The following ABCC11 variants were observed in gnomAD, a reference collection of about 807,000 sequenced individuals.
ABCC11 encodes ATP-binding cassette sub-family C member 11.
Under a neutral mutation model 149.3 loss-of-function variants are expected in ABCC11, and 135 were observed. The observed-to-expected ratio is 0.90, with a 90% confidence interval of 0.79 to 1.04. The LOEUF is 1.04. Ranked by LOEUF, ABCC11 falls within the 50% of genes least tolerant of loss-of-function variation. The pLI, the probability that ABCC11 is intolerant of heterozygous loss-of-function variation, is 0.00. For synonymous variants in ABCC11, 665 were observed against 671.4 expected (o/e 0.99, Z 0.15); for missense variants, 1,680 against 1,722.1 (o/e 0.98, Z 0.43).
intron 6 of ABCC11, among the ~76,000 whole-genome samples, chr16:48,217,442 GA>G (rs1292228525): frequency 1.3e-5 from 2 of 152,022 alleles, no homozygotes; most frequent in East Asian, 3.9e-4. Flanking sequence ...TAAAAAGTAG[GA>G]AAATTAGCCA....
intron 1 of ABCC11, among the ~76,000 whole-genome samples, chr16:48,237,640 C>T (rs1970751600): frequency 1.3e-5 from 2 of 152,140 alleles, no homozygotes; most frequent in Admixed American, 6.5e-5. Flanking sequence ...CCATGGCTTC[C>T]GTCAGGTTTA....
In ABCC11 at chr16:48,216,256, T is replaced by G; in HGVS notation, c.809A>C (p.Tyr270Ser). The change falls in exon 7 of 30, where the codon TAC becomes TCC. Residue 270 changes from tyrosine to serine, a missense_variant. By Grantham distance (144) the Tyr-to-Ser change is moderately radical (BLOSUM62 -2). Coordinates refer to ENST00000356608, the MANE Select transcript of ABCC11 (RefSeq NM_001370497.1). ...AISFFTGDVN[Y>S]LFEGVCYGPL... ...TCCATAGCACACCCCTTCAAACAGG[T>G]AGTTTACATCACCGGTGAAGAAGCT... 1 of 1,613,676 alleles carries G rather than the reference T, an allele frequency of 6.2e-7. No homozygotes were observed. Among genetic ancestry groups the G allele is most frequent in the Non-Finnish European group, 8.5e-7 (1 of 1,179,932 alleles).
rs201611590 is a variant in ABCC11 at position 48,198,012 on chromosome 16, G to A, written c.2273C>T (p.Ala758Val). ...IAEKPKVESQ[A>V]LATSLEESLN... ...AGACTCTTCCAGGGAGGTGGCCAGAGCCTGACTTTCTACCTTTGGCTTCTC... is the reference window on the plus strand; with the variant it reads ...AGACTCTTCCAGGGAGGTGGCCAGAACCTGACTTTCTACCTTTGGCTTCTC... The change falls in exon 17 of 30, where the codon GCT becomes GTT. Residue 758 changes from alanine (A) to valine (V), a missense_variant. Physicochemically the swap from Ala to Val is moderately conservative, Grantham distance 64. Transcript: ENST00000356608. The A allele has an allele frequency of 1.2e-6, 2 of 1,614,206 alleles. No homozygotes were observed. Among genetic ancestry groups the A allele is most frequent in the Non-Finnish European group, 1.7e-6 (2 of 1,180,038 alleles).
chr16:48,195,455 C>G (rs1156277605), intron 18 of ABCC11, among the ~76,000 whole-genome samples: 1 of 152,206 alleles, frequency 6.6e-6, no homozygotes, highest in African/African-American at 2.4e-5. Context: ...CTTCCTCCCC[C>G]AGGCATGCAG....
chr16:48,229,453 CTT>C (rs940739382), intron 3 of ABCC11, among the ~76,000 whole-genome samples: 10 of 119,056 alleles, frequency 8.4e-5, no homozygotes, highest in Admixed American at 3.5e-4. Context: ...AGGCTGGTAA[CTT>C]TTTTTTTTTT....
chr16:48,211,076 C>T lies in ABCC11; in HGVS notation c.1480G>A (p.Ala494Thr), dbSNP rs745733454. Residue 494 changes from alanine (A) to threonine (T), a missense_variant, in exon 11 of 30, where the codon GCA becomes ACA. Transcript: ENST00000356608. Reference sequence around the variant, plus strand: ...TGCCCGTTCCTCTCCAGCTCCAGTGCCCCATTGACGATCCCGGGACAGGTC... The same window carrying T: ...TGCCCGTTCCTCTCCAGCTCCAGTGTCCCATTGACGATCCCGGGACAGGTC... ...QQTCPGIVNG[A>T]LELERNGHAS... 6.2e-6 allele frequency: 10 copies of T among 1,614,108 alleles called. No homozygotes were observed. The South Asian group carries it at 8.8e-5, about 14-fold the overall frequency.
Position 48,222,704 on chromosome 16 carries a change from C to T in ABCC11, c.671G>A (p.Trp224Ter), listed in dbSNP as rs1429166106. Residue 224 changes from tryptophan to a stop codon, truncating the protein, a stop_gained, in exon 6 of 30, where the codon TGG becomes TAG. Coordinates refer to ENST00000356608, the MANE Select transcript of ABCC11 (RefSeq NM_001370497.1). LOFTEE classifies it high-confidence loss of function. ...GATGGCTGTGCGTTGGTTGATGATC[C>T]AACTGGAGGAGAAACTCAGAGACTT... ...CVKSLSFSSS[W>*]IINQRTAIRF... 6 of 1,614,056 alleles carry T rather than the reference C, an allele frequency of 3.7e-6. No homozygotes were observed. The African/African-American group carries it at 5.3e-5, about 14-fold the overall frequency.
At chr16:48,198,343 A>T in intron 15 of ABCC11, 68 bp from the exon 16 acceptor site, 1 of 1,482,540 alleles carries the variant, frequency 6.7e-7, no homozygotes. Context: ...ACTATTCACC[A>T]GGAAAATGTA....
intron 18 of ABCC11, 100 bp from the exon 19 acceptor site, chr16:48,194,082 C>A (rs1967169931): frequency 3.7e-6 from 3 of 807,304 alleles, no homozygotes; most frequent in East Asian, 2.6e-5. Flanking sequence ...TGCTTGGAAA[C>A]CCTTGAGCCC....
chr16:48,204,155 A>T (rs1968238909), intron 13 of ABCC11, among the ~76,000 whole-genome samples: 2 of 152,206 alleles, frequency 1.3e-5, no homozygotes. Flanking sequence ...AATACCTAAC[A>T]GTGAATTTGC....
At chr16:48,178,339 C>T (rs927785393) in intron 24 of ABCC11, among the ~76,000 whole-genome samples, 3 of 152,162 alleles carry the variant, frequency 2.0e-5, no homozygotes, top group African/African-American at 7.2e-5. Flanking sequence ...GCAAACCTCT[C>T]ATTTCCAAGA....
intron 23 of ABCC11, among the ~76,000 whole-genome samples, chr16:48,178,916 C>T (rs1248648197): frequency 6.6e-6 from 1 of 152,188 alleles, no homozygotes; most frequent in Admixed American, 6.5e-5. Flanking sequence ...GACACTGTTC[C>T]ACCTCGAGTG....
At position 48,177,067 on chromosome 16, in the gene ABCC11, G is replaced by A. The variant is rs745724144; in HGVS notation, c.3395C>T (p.Pro1132Leu). The change falls in exon 25 of 30, where the codon CCC becomes CTC. Residue 1132 changes from proline (P) to leucine (L), a missense_variant. By Grantham distance (98) the Pro-to-Leu change is moderately conservative (BLOSUM62 -3). Transcript: ENST00000356608. The part of the protein sequence containing the change: ...APLHMEGTSC[P>L]QGWPQHGEII... Reference sequence around the variant, plus strand: ...TTCCCCATGCTGTGGCCACCCCTGGGGACAACTTGTGCCTTCCATGTGTAA... The same window carrying A: ...TTCCCCATGCTGTGGCCACCCCTGGAGACAACTTGTGCCTTCCATGTGTAA... 1.2e-6 allele frequency: 2 copies of A among 1,614,002 alleles called. No homozygotes were observed. Among genetic ancestry groups the A allele is most frequent in the Non-Finnish European group, 1.7e-6 (2 of 1,180,020 alleles).
chr16:48,203,180 T>G lies in ABCC11; in HGVS notation c.1878+48A>C. 2.0e-6 allele frequency: 3 copies of G among 1,510,060 alleles called. No homozygotes were observed. In the South Asian group the frequency reaches 3.6e-5, roughly 18 times the overall value. The allele number at this position is 1,510,060 out of a possible 1,614,324, so 93.5% of individuals were successfully genotyped here. On this transcript the variant is annotated intron_variant, in intron 14 of 29. Coordinates refer to ENST00000356608, the MANE Select transcript of ABCC11 (RefSeq NM_001370497.1). Reference sequence around the variant, plus strand: ...CCTGCCTGGGGAGGCAGCATGAACATAAGAGCACCAACATTACACAGAGAA... The same window carrying G: ...CCTGCCTGGGGAGGCAGCATGAACAGAAGAGCACCAACATTACACAGAGAA...
chr16:48,244,852 T>G (rs1801427760), intron 1 of ABCC11, among the ~76,000 whole-genome samples: 1 of 152,182 alleles, frequency 6.6e-6, no homozygotes. Context: ...AACTACGCAG[T>G]TCCCTACCGT....
In ABCC11 at chr16:48,196,228, G is replaced by T. The variant is rs764761176; in HGVS notation, c.2404+4C>A. 1.2e-6 allele frequency: 2 copies of T among 1,613,964 alleles called. No individual in the cohort carries two copies. Among genetic ancestry groups the T allele is most frequent in the East Asian group, 2.2e-5 (1 of 44,856 alleles). On this transcript the variant is annotated splice_donor_region_variant and intron_variant, in intron 18 of 29. Coordinates refer to ENST00000356608, the MANE Select transcript of ABCC11 (RefSeq NM_001370497.1). ...AGAGCCCTGGGCTGGCATGGGGACC[G>T]TACCTCCAGCTGCCTGGATGTAGTG...
At chr16:48,245,909 T>A (rs1004553316) in intron 1 of ABCC11, among the ~76,000 whole-genome samples, 1 of 152,158 alleles carries the variant, frequency 6.6e-6, no homozygotes, top group African/African-American at 2.4e-5. Flanking sequence ...TTCCTAACTC[T>A]ACTGGAGGTG....
intron 1 of ABCC11, among the ~76,000 whole-genome samples, chr16:48,235,938 G>A (rs1245580190): frequency 6.6e-6 from 1 of 152,142 alleles, no homozygotes; most frequent in African/African-American, 2.4e-5. Flanking sequence ...GCTTTCTGGA[G>A]GAGCTGATTT....
chr16:48,233,774 G>A (rs575018079), intron 1 of ABCC11, among the ~76,000 whole-genome samples: 8 of 152,272 alleles, frequency 5.3e-5, no homozygotes, highest in Admixed American at 3.9e-4. Flanking sequence ...GCTCATAAAC[G>A]TTTATATCTG....
Sources: gnomAD v4.1 joint callset for allele counts (sites outside exome capture counted in the v4.1 genomes callset) on GRCh38, gnomAD v4.1.1 for gene constraint, MANE v1.5 for transcripts, NCBI Gene and HGNC (gene_info 2026-07-23, HGNC 2026-07-21) for gene names.